ST8SIA1: variants seen among roughly 807,000 people sequenced by gnomAD.
ST8SIA1 encodes ST8 alpha-N-acetyl-neuraminide alpha-2,8-sialyltransferase 1.
Under a neutral mutation model 35.9 loss-of-function variants are expected in ST8SIA1, and 16 were observed. That is an observed-to-expected ratio of 0.45 (90% confidence interval 0.30 to 0.68). The LOEUF (loss-of-function observed/expected upper bound fraction) is 0.68. Among genes scored for constraint, ST8SIA1 ranks in the 30% least tolerant of loss-of-function variants. The pLI, the probability that ST8SIA1 is intolerant of heterozygous loss-of-function variation, is 0.09. For missense variants in ST8SIA1, 383 were observed against 453.6 expected, an observed-to-expected ratio of 0.84 and a Z score of 1.41; for synonymous variants, 170 against 169.6, an observed-to-expected ratio of 1.00 and a Z score of -0.02.
chr12:22,324,436 A>T (rs1193706299), intron 1 of ST8SIA1: 1 of 152,208 alleles, frequency 6.6e-6, no homozygotes, highest in African/African-American at 2.4e-5. Flanking sequence ...ATATCCAATA[A>T]CAGTATATTA....
At chr12:22,230,489 A>G (rs1865407057) in intron 4 of ST8SIA1, among the ~76,000 whole-genome samples, 1 of 152,130 alleles carries the variant, frequency 6.6e-6, no homozygotes, top group Non-Finnish European at 1.5e-5. Flanking sequence ...AAAGAACATG[A>G]AGGATTCCTT....
chr12:22,277,480 C>T lies in ST8SIA1; in HGVS notation c.381+9669G>A, dbSNP rs1013500545. ...CTCCTGGGTTCAAGCAATTCTCCTGCCCCAGCCTCCTGAATAGCAGGGATT... is the reference window on the plus strand; with the variant it reads ...CTCCTGGGTTCAAGCAATTCTCCTGTCCCAGCCTCCTGAATAGCAGGGATT... On this transcript the variant is annotated intron_variant, in intron 2 of 4. Transcript: ENST00000396037. Among the ~76,000 whole-genome samples the T allele has an allele frequency of 3.3e-5, 5 of 151,206 alleles. No individual in the cohort carries two copies. The East Asian group carries it at 7.8e-4, about 24-fold the overall frequency.
intron 4 of ST8SIA1, among the ~76,000 whole-genome samples, chr12:22,245,118 C>T (rs190742593): frequency 1.3e-5 from 2 of 152,244 alleles, no homozygotes; most frequent in East Asian, 1.9e-4. Context: ...TTGCTATTCT[C>T]GGCATATTTC....
At chr12:22,270,715 AT>A (rs1865903054) in intron 2 of ST8SIA1, among the ~76,000 whole-genome samples, 1 of 152,192 alleles carries the variant, frequency 6.6e-6, no homozygotes, top group Non-Finnish European at 1.5e-5. Context: ...GCTGTATGTG[AT>A]TCTGGTGATG....
Position 22,194,191 on chromosome 12 carries a change from C to T in ST8SIA1, c.*7361G>A, listed in dbSNP as rs1864955810. On this transcript the variant is annotated 3_prime_UTR_variant, in exon 5 of 5. Coordinates refer to ENST00000396037, the MANE Select transcript of ST8SIA1 (RefSeq NM_003034.4). ...TGTATATTAATTATAAGGGGAGTGTCTATAGTAACCTATCAACACCCAACG... is the reference window on the plus strand; with the variant it reads ...TGTATATTAATTATAAGGGGAGTGTTTATAGTAACCTATCAACACCCAACG... 1 of 152,118 alleles carries T rather than the reference C, an allele frequency of 6.6e-6. No homozygotes were observed. Among genetic ancestry groups the T allele is most frequent in the Admixed American group, 6.5e-5 (1 of 15,268 alleles). 9.4% of individuals were successfully genotyped at this position (152,118 alleles called of 1,614,324 possible).
intron 1 of ST8SIA1, chr12:22,325,824 G>A (rs971953878): frequency 1.0e-5 from 7 of 701,008 alleles, no homozygotes; most frequent in Admixed American, 2.0e-5. Flanking sequence ...GCATTTTGGG[G>A]CCACTGGTAA....
chr12:22,215,160 A>G (rs1472227090), intron 4 of ST8SIA1, among the ~76,000 whole-genome samples: 1 of 152,078 alleles, frequency 6.6e-6, no homozygotes, highest in Non-Finnish European at 1.5e-5. Flanking sequence ...CCCCAACTGA[A>G]AACTAACATA....
chr12:22,264,857 G>T (rs1591838750), intron 2 of ST8SIA1, among the ~76,000 whole-genome samples: 1 of 152,120 alleles, frequency 6.6e-6, no homozygotes, highest in East Asian at 1.9e-4. Context: ...ATTTTAAAAG[G>T]ATAGCTTCAG....
chr12:22,282,581 G>C (rs747159447), intron 2 of ST8SIA1, among the ~76,000 whole-genome samples: 2 of 152,142 alleles, frequency 1.3e-5, no homozygotes, highest in Non-Finnish European at 2.9e-5. Context: ...AAGGAGGTTT[G>C]AGTAGGAAGA....
chr12:22,325,084 G>A (rs1866657809), intron 1 of ST8SIA1: 2 of 194,496 alleles, frequency 1.0e-5, no homozygotes. Flanking sequence ...GGGAATTTCA[G>A]CAGGCTTTTT....
At chr12:22,311,378 T>G in intron 1 of ST8SIA1, among the ~76,000 whole-genome samples, 1 of 151,940 alleles carries the variant, frequency 6.6e-6, no homozygotes, top group Non-Finnish European at 1.5e-5. Flanking sequence ...ATTTCTAAGG[T>G]CAAGGTGTAA....
chr12:22,276,663 G>A (rs1475940182), intron 2 of ST8SIA1, among the ~76,000 whole-genome samples: 4 of 152,168 alleles, frequency 2.6e-5, no homozygotes, highest in Non-Finnish European at 4.4e-5. Context: ...GTGGAGGGGG[G>A]AAAGCACTGA....
At chr12:22,234,597 C>A (rs974611712) in intron 4 of ST8SIA1, among the ~76,000 whole-genome samples, 1 of 152,076 alleles carries the variant, frequency 6.6e-6, no homozygotes, top group South Asian at 2.1e-4. Flanking sequence ...AATTTACATC[C>A]CAGGCTTTGT....
intron 4 of ST8SIA1, among the ~76,000 whole-genome samples, chr12:22,236,249 T>A (rs904845194): frequency 1.3e-5 from 2 of 151,942 alleles, no homozygotes; most frequent in Non-Finnish European, 2.9e-5. Flanking sequence ...GGCCCTTGAG[T>A]TTCTCCCTGA....
chr12:22,267,171 G>A (rs973872575), intron 2 of ST8SIA1, among the ~76,000 whole-genome samples: 3 of 152,232 alleles, frequency 2.0e-5, no homozygotes, highest in South Asian at 4.1e-4. Flanking sequence ...ACACTAAAAG[G>A]TGGTATCAAT....
At chr12:22,213,835 G>A (rs1271372384) in intron 4 of ST8SIA1, among the ~76,000 whole-genome samples, 5 of 152,032 alleles carry the variant, frequency 3.3e-5, no homozygotes, top group African/African-American at 7.2e-5. Context: ...TTGGGTAACT[G>A]AGTGTGGAGG....
At chr12:22,330,537 T>C (rs540816031) in intron 1 of ST8SIA1, among the ~76,000 whole-genome samples, 69 of 152,342 alleles carry the variant, frequency 4.5e-4, no homozygotes, top group African/African-American at 1.5e-3. Flanking sequence ...CTATGTTTCC[T>C]GTCTTTGATG....
At chr12:22,242,956 C>T (rs1369552885) in intron 4 of ST8SIA1, among the ~76,000 whole-genome samples, 4 of 152,168 alleles carry the variant, frequency 2.6e-5, no homozygotes, top group Non-Finnish European at 5.9e-5. Context: ...AAGAAGAATG[C>T]ACTCCAAACA....
At chr12:22,311,481 G>A (rs1164395829) in intron 1 of ST8SIA1, among the ~76,000 whole-genome samples, 1 of 152,148 alleles carries the variant, frequency 6.6e-6, no homozygotes, top group Non-Finnish European at 1.5e-5. Flanking sequence ...CCAGTCCACA[G>A]CTATTTCTTC....
Sources: allele counts gnomAD v4.1 joint callset (sites outside exome capture counted in the v4.1 genomes callset), GRCh38; gene constraint gnomAD v4.1.1; transcripts MANE v1.5; gene names NCBI Gene and HGNC (gene_info 2026-07-23, HGNC 2026-07-21).